The following PCDH17 variants were observed in gnomAD, a reference collection of about 807,000 sequenced individuals.
The protein encoded by PCDH17 is protocadherin-17.
Under a neutral mutation model 67.7 loss-of-function variants are expected in PCDH17, and 21 were observed. That is an observed-to-expected ratio of 0.31 (90% CI 0.22 to 0.45). The LOEUF (loss-of-function observed/expected upper bound fraction) is 0.45, where lower values mean the gene tolerates loss of function less well. PCDH17 is among the 20% of genes least tolerant of loss of function. The pLI is 1.00. For synonymous variants in PCDH17, 701 were observed against 656.7 expected (o/e 1.07, Z -1.03); for missense variants, 1,471 against 1,564.8 (o/e 0.94, Z 1.01).
intron 3 of PCDH17, among the ~76,000 whole-genome samples, chr13:57,683,686 C>T (rs545630172): frequency 9.2e-5 from 14 of 151,900 alleles, no homozygotes; most frequent in East Asian, 3.9e-4. Context: ...CCTCAGGTGA[C>T]GCTGGTAAAT....
Position 57,696,633 on chromosome 13 carries a change from A to G in PCDH17, c.2798-27979A>G, listed in dbSNP as rs74935047. 4.1e-3 allele frequency among the ~76,000 whole-genome samples: 619 copies of G among 151,638 alleles called. 4 individuals carry two copies. The highest frequency in any genetic ancestry group is 0.014 in the African/African-American group (597 of 41,512). ...TAAAATATACCATATTTTAAAATAC[A>G]TTTCAAAGAATTAGTAATAAAATTG... On this transcript the variant is annotated intron_variant, in intron 3 of 3. Transcript: ENST00000377918.
At chr13:57,716,994 A>C (rs2138096737) in intron 3 of PCDH17, among the ~76,000 whole-genome samples, 1 of 152,018 alleles carries the variant, frequency 6.6e-6, no homozygotes, top group East Asian at 1.9e-4. Flanking sequence ...TGCTGGTGGG[A>C]CGTTTGAATT....
At chr13:57,685,330 A>C (rs1019216663) in intron 3 of PCDH17, among the ~76,000 whole-genome samples, 1 of 152,008 alleles carries the variant, frequency 6.6e-6, no homozygotes, top group Admixed American at 6.6e-5. Flanking sequence ...TGACATATAA[A>C]GCATTACTGA....
chr13:57,690,736 G>A (rs538361338), intron 3 of PCDH17, among the ~76,000 whole-genome samples: 5 of 151,280 alleles, frequency 3.3e-5, no homozygotes, highest in Non-Finnish European at 5.9e-5. Flanking sequence ...TTGATACAAT[G>A]CATAATCCAT....
chr13:57,679,266 GA>G (rs1217222883), intron 3 of PCDH17, among the ~76,000 whole-genome samples: 3 of 149,966 alleles, frequency 2.0e-5, no homozygotes, highest in East Asian at 2.0e-4. Context: ...GTTGTATAAT[GA>G]AAAAAATTAT....
chr13:57,652,623 G>A (rs1387228103), intron 1 of PCDH17, among the ~76,000 whole-genome samples: 1 of 152,138 alleles, frequency 6.6e-6, no homozygotes, highest in African/African-American at 2.4e-5. Flanking sequence ...TTCTACAAAA[G>A]AACTGTTGTA....
chr13:57,652,798 T>C (rs947815539), intron 1 of PCDH17, among the ~76,000 whole-genome samples: 3 of 152,196 alleles, frequency 2.0e-5, no homozygotes, highest in Non-Finnish European at 2.9e-5. Flanking sequence ...GTTCTTGCTC[T>C]TATACCACCG....
chr13:57,640,997 G>A (rs1001096828), intron 1 of PCDH17, among the ~76,000 whole-genome samples: 1 of 151,892 alleles, frequency 6.6e-6, no homozygotes, highest in African/African-American at 2.4e-5. Context: ...TTTTAGTAAA[G>A]CCATTAGGGA....
chr13:57,671,904 T>G (rs1352853380), intron 3 of PCDH17, among the ~76,000 whole-genome samples: 2 of 152,046 alleles, frequency 1.3e-5, no homozygotes, highest in Non-Finnish European at 2.9e-5. Flanking sequence ...GTGACTGGAT[T>G]CAAGGACTTC....
intron 1 of PCDH17, among the ~76,000 whole-genome samples, chr13:57,646,082 T>C (rs1463262128): frequency 6.6e-6 from 1 of 151,590 alleles, no homozygotes; most frequent in Non-Finnish European, 1.5e-5. Flanking sequence ...ATTTTACAAT[T>C]TAATTGCTTG....
intron 1 of PCDH17, 73 bp downstream of exon 1, chr13:57,635,184 A>G: frequency 5.5e-6 from 8 of 1,467,244 alleles, no homozygotes; most frequent in East Asian, 2.3e-5. Context: ...CCTTTGGAAC[A>G]GGGCAAGCCA....
chr13:57,668,436 GCAA>G (rs1236884768), intron 3 of PCDH17, among the ~76,000 whole-genome samples: 1 of 151,998 alleles, frequency 6.6e-6, no homozygotes, highest in African/African-American at 2.4e-5. Context: ...AACAAAAACA[GCAA>G]CAAGAAAAAA....
intron 3 of PCDH17, among the ~76,000 whole-genome samples, chr13:57,690,117 T>A (rs896434847): frequency 1.5e-5 from 2 of 136,110 alleles, no homozygotes; most frequent in South Asian, 2.3e-4. Context: ...AAAAAGACAA[T>A]ACTCTTAAGA....
In PCDH17 at chr13:57,634,088, G is replaced by A. The variant is rs976333418; in HGVS notation, c.1542G>A (p.Ser514=). ...CCGTATCCTACTCTATCCTGCCCTC[G>A]CACATCGGCGACGTGTCTATCTACA... ...NGTVSYSILP[S]HIGDVSIYTY... The change falls in exon 1 of 4, where the codon TCG becomes TCA. Residue 514 remains serine (S), a synonymous_variant. Transcript: ENST00000377918. This position sits in a 1 kb window ranked among gnomAD's most constrained non-coding sequence, Gnocchi z 7.8. 1.2e-6 allele frequency: 2 copies of A among 1,612,270 alleles called. No homozygotes were observed. Among genetic ancestry groups the A allele is most frequent in the African/African-American group, 2.7e-5 (2 of 74,484 alleles).
chr13:57,646,690 T>A (rs1954970322), intron 1 of PCDH17, among the ~76,000 whole-genome samples: 1 of 151,762 alleles, frequency 6.6e-6, no homozygotes, highest in Admixed American at 6.6e-5. Context: ...GAATTCATTT[T>A]CAACCTTCGT....
Position 57,680,139 on chromosome 13 carries a change from C to CATAT in PCDH17, c.2797+13318_2797+13321dup, listed in dbSNP as rs141639325. Among the ~76,000 whole-genome samples, 54 of 148,590 alleles carry CATAT rather than the reference C, an allele frequency of 3.6e-4. 1 individual carries two copies. The highest frequency in any genetic ancestry group is 1.5e-3 in the South Asian group (7 of 4,762). ...TTCCATTAGGTAAATGTTATATCTACATATATATATATATAAATATGTATG... is the reference window on the plus strand; with the variant it reads ...TTCCATTAGGTAAATGTTATATCTACATATATATATATATATATAAATATGTATG... On this transcript the variant is annotated intron_variant, in intron 3 of 3. Coordinates refer to ENST00000377918, the MANE Select transcript of PCDH17 (RefSeq NM_001040429.3).
chr13:57,725,066 A>T lies in PCDH17; in HGVS notation c.3252A>T (p.Gln1084His). The T allele has an allele frequency of 6.2e-7, 1 of 1,614,102 alleles. No individual in the cohort carries two copies. The highest frequency in any genetic ancestry group is 8.5e-7 in the Non-Finnish European group (1 of 1,179,994). Residue 1084 changes from glutamine (Q) to histidine (H), a missense_variant, in exon 4 of 4, where the codon CAA becomes CAT. Physicochemically the swap from Gln to His is conservative, Grantham distance 24. This residue lies in a region of PCDH17 where 297 missense variants were observed against 298.6 expected (regional missense o/e 0.99). Transcript: ENST00000377918. ...GTCAATATCTGTCACCTAGTAAGCA[A>T]CCAAGAGACCCTCCCTTCATGGCTT... ...TDSQYLSPSK[Q>H]PRDPPFMASD...
At chr13:57,685,974 A>G (rs570443925) in intron 3 of PCDH17, among the ~76,000 whole-genome samples, 11 of 152,000 alleles carry the variant, frequency 7.2e-5, no homozygotes, top group African/African-American at 1.7e-4. Context: ...CTTTAGTCCA[A>G]ACTACTCAGG....
intron 3 of PCDH17, among the ~76,000 whole-genome samples, chr13:57,689,468 T>A (rs56237912): frequency 0.017 from 2,648 of 152,050 alleles, 71 homozygotes; most frequent in African/African-American, 0.06. Flanking sequence ...AAGGACACAA[T>A]TCTTGGTTAA....
Sources: allele counts gnomAD v4.1 joint callset (sites outside exome capture counted in the v4.1 genomes callset), GRCh38; gene constraint gnomAD v4.1.1; regional missense constraint gnomAD v4.1.1; non-coding constraint Gnocchi (gnomAD v3.1); transcripts MANE v1.5; gene names NCBI Gene and HGNC (gene_info 2026-07-23, HGNC 2026-07-21).